TUBGCP3: variants seen among roughly 807,000 people sequenced by gnomAD.
TUBGCP3 encodes the protein gamma-tubulin complex component 3.
TUBGCP3 carries 50 observed loss-of-function variants against 123.1 expected under a neutral mutation model. That is an observed-to-expected ratio of 0.41 (90% CI 0.32 to 0.51). The LOEUF is 0.51. Ranked by LOEUF, TUBGCP3 falls within the 20% of genes least tolerant of loss-of-function variation. TUBGCP3 has a pLI of 0.36. For synonymous variants in TUBGCP3, 405 were observed against 413.9 expected (o/e 0.98, Z 0.26); for missense variants, 882 against 1,127.0 (o/e 0.78, Z 3.11).
chr13:112,581,034 A>ACCC (rs10672630), intron 1 of TUBGCP3, among the ~76,000 whole-genome samples: 52,901 of 151,598 alleles, frequency 0.35, 10,473 homozygotes, highest in African/African-American at 0.54. Context: ...CTGCTCACAC[A>ACCC]CCCATCACAC....
At chr13:112,510,627 G>C (rs1055499897) in intron 17 of TUBGCP3, among the ~76,000 whole-genome samples, 1 of 152,184 alleles carries the variant, frequency 6.6e-6, no homozygotes, top group East Asian at 1.9e-4. Context: ...GGCAGGTGCT[G>C]TTCCAAGTAC....
intron 13 of TUBGCP3, among the ~76,000 whole-genome samples, chr13:112,526,200 C>CCAT (rs910424780): frequency 6.7e-6 from 1 of 148,312 alleles, no homozygotes; most frequent in Non-Finnish European, 1.5e-5. Context: ...CACCACCACG[C>CCAT]CATCATCACC....
Position 112,556,387 on chromosome 13 carries a change from C to T in TUBGCP3, c.549-163G>A, listed in dbSNP as rs923867933. 5.9e-5 allele frequency among the ~76,000 whole-genome samples: 9 copies of T among 152,162 alleles called. 1 individual carries two copies. The highest frequency in any genetic ancestry group is 1.3e-4 in the Non-Finnish European group (9 of 68,036). ...CCTAACCGAATATATCAATAACAGACAGTCCCAAGTCCCTTGAACTTGGTC... is the reference window on the plus strand; with the variant it reads ...CCTAACCGAATATATCAATAACAGATAGTCCCAAGTCCCTTGAACTTGGTC... On this transcript the variant is annotated intron_variant, in intron 5 of 21. Transcript: ENST00000261965.
chr13:112,578,657 A>C (rs1218151448), intron 1 of TUBGCP3, among the ~76,000 whole-genome samples: 4 of 151,594 alleles, frequency 2.6e-5, no homozygotes, highest in African/African-American at 9.7e-5. Context: ...CATGTGCTTA[A>C]TGCAACGCGA....
chr13:112,578,540 A>C (rs1412729035), intron 1 of TUBGCP3, among the ~76,000 whole-genome samples: 3 of 133,168 alleles, frequency 2.3e-5, no homozygotes, highest in South Asian at 2.6e-4. Flanking sequence ...GCTTGGGCGA[A>C]AGAGTGAGAC....
At chr13:112,540,381 G>C (rs148828109) in intron 11 of TUBGCP3, among the ~76,000 whole-genome samples, 459 of 146,636 alleles carry the variant, frequency 3.1e-3, no homozygotes, top group East Asian at 0.015. Context: ...AGGATACCTG[G>C]GAGTGATGAC....
chr13:112,489,335 G>A (rs969635394), intron 21 of TUBGCP3, among the ~76,000 whole-genome samples: 5 of 151,900 alleles, frequency 3.3e-5, no homozygotes, highest in Middle Eastern at 3.4e-3. Flanking sequence ...CCGGGTGCCC[G>A]CATCCCACCA....
chr13:112,535,353 T>C lies in TUBGCP3; in HGVS notation c.1336-7869A>G, dbSNP rs113213005. 9.4e-3 allele frequency among the ~76,000 whole-genome samples: 1,429 copies of C among 152,318 alleles called. 22 individuals are homozygous for C. Among genetic ancestry groups the C allele is most frequent in the African/African-American group, 0.032 (1,345 of 41,568 alleles). On this transcript the variant is annotated intron_variant, in intron 11 of 21. Coordinates refer to ENST00000261965, the MANE Select transcript of TUBGCP3 (RefSeq NM_006322.6). ...ATGGTAAATCCATATTTAATTTTTT[T>C]AGAAACTGTCAAACTGCTTTCCAGA...
intron 11 of TUBGCP3, 75 bp from the exon 12 acceptor site, chr13:112,527,559 A>T: frequency 4.8e-6 from 5 of 1,032,416 alleles, no homozygotes; most frequent in Non-Finnish European, 7.5e-6. Flanking sequence ...AACATCAAAG[A>T]GTAAGTTATT....
intron 1 of TUBGCP3, among the ~76,000 whole-genome samples, chr13:112,576,645 A>G (rs1249828596): frequency 6.6e-6 from 1 of 152,120 alleles, no homozygotes; most frequent in Non-Finnish European, 1.5e-5. Flanking sequence ...TATCAATTAT[A>G]CCTCAACAAA....
intron 14 of TUBGCP3, among the ~76,000 whole-genome samples, chr13:112,521,502 C>T (rs1337233955): frequency 1.3e-5 from 2 of 152,222 alleles, no homozygotes; most frequent in African/African-American, 4.8e-5. Context: ...ACCTGAGAAT[C>T]TCATTCTCTG....
At chr13:112,488,986 C>T (rs1879879661) in intron 21 of TUBGCP3, among the ~76,000 whole-genome samples, 1 of 139,734 alleles carries the variant, frequency 7.2e-6, no homozygotes, top group Admixed American at 6.9e-5. Flanking sequence ...GGGTCACCCC[C>T]AGGTCCCCAC....
chr13:112,537,818 G>A (rs748521728), intron 11 of TUBGCP3, among the ~76,000 whole-genome samples: 10 of 152,150 alleles, frequency 6.6e-5, no homozygotes, highest in Middle Eastern at 3.2e-3. Flanking sequence ...CTCTTTACCT[G>A]TTACAGGTCT....
intron 1 of TUBGCP3, among the ~76,000 whole-genome samples, chr13:112,574,409 T>A (rs1379110966): frequency 6.8e-6 from 1 of 148,064 alleles, no homozygotes; most frequent in Admixed American, 6.8e-5. Context: ...CCACAGAGAA[T>A]CTTCAAGTGG....
chr13:112,565,672 C>A (rs557543784), intron 2 of TUBGCP3, among the ~76,000 whole-genome samples: 1 of 152,206 alleles, frequency 6.6e-6, no homozygotes, highest in Non-Finnish European at 1.5e-5. Context: ...CGGTGGCTCA[C>A]GCCTGTAATC....
At position 112,485,884 on chromosome 13, in the gene TUBGCP3, G is replaced by A. The variant is rs1355745298; in HGVS notation, c.*109C>T. The A allele has an allele frequency of 1.7e-5, 15 of 907,920 alleles. No homozygotes were observed. The highest frequency in any genetic ancestry group is 3.0e-5 in the Admixed American group (1 of 33,864). The allele number at this position is 907,920 out of a possible 1,614,324, so 56.2% of individuals were successfully genotyped here. On this transcript the variant is annotated 3_prime_UTR_variant, in exon 22 of 22. Transcript: ENST00000261965. ...GCTGAAACATGGCGCACTCGTGGGC[G>A]GAAGGGCAGGACACCTGCAGCATGC...
At chr13:112,489,529 A>G in intron 21 of TUBGCP3, 52 bp downstream of exon 21, 1 of 1,279,896 alleles carries the variant, frequency 7.8e-7, no homozygotes, top group Non-Finnish European at 1.1e-6. Context: ...ACTGTCAGGT[A>G]CAGAACATGG....
In TUBGCP3 at chr13:112,572,258, C is replaced by A. The variant is rs374167312; in HGVS notation, c.77-2999G>T. Among the ~76,000 whole-genome samples the A allele has an allele frequency of 1.0e-3, 155 of 152,280 alleles. No individual in the cohort carries two copies. The Middle Eastern group carries it at 0.024, about 23-fold the overall frequency. ...CTTCATTTCACTTGAACACTAATTT[C>A]TTTTATTATTATTTCTTCTAAAAAA... On this transcript the variant is annotated intron_variant, in intron 1 of 21. Transcript: ENST00000261965.
rs770185802 is a variant in TUBGCP3 at position 112,499,095 on chromosome 13, A to G, written c.2398T>C (p.Leu800=). 17 of 1,614,186 alleles carry G rather than the reference A, an allele frequency of 1.1e-5. No homozygotes were observed. The highest frequency in any genetic ancestry group is 2.2e-5 in the East Asian group (1 of 44,882). ...TCTTCAAACTGTAATCGTCTCTGCA[A>G]TTCTTCCAGAGCAGCTCTGTATATT... is the stretch of plus-strand genomic sequence containing the variant. ...DAIYRAALEE[L]QRRLQFEEKK... is the part of the protein sequence containing the mutation. The change falls in exon 20 of 22, where the codon TTG becomes CTG. Residue 800 remains leucine (L), a synonymous_variant. Transcript: ENST00000261965.
Sources: gnomAD v4.1 joint callset for allele counts (sites outside exome capture counted in the v4.1 genomes callset) on GRCh38, gnomAD v4.1.1 for gene constraint, MANE v1.5 for transcripts, NCBI Gene and HGNC (gene_info 2026-07-23, HGNC 2026-07-21) for gene names.